Variants in PLAAT5 observed in about 807,000 individuals in gnomAD.
The protein encoded by PLAAT5 is phospholipase A and acyltransferase 5, also known as Ca(2+)-independent N-acyltransferase.
Under a neutral mutation model 27.8 loss-of-function variants are expected in PLAAT5, and 27 were observed. The ratio of observed to expected loss-of-function variants is 0.97; its 90% CI spans 0.72 to 1.34. The LOEUF (loss-of-function observed/expected upper bound fraction) is 1.34. Among genes scored for constraint, PLAAT5 ranks in the 40% most tolerant of loss-of-function variants. The probability of loss-of-function intolerance (pLI) is 0.00; values close to 1 mark genes in which losing one functional copy is unlikely to be tolerated. For synonymous variants in PLAAT5, 125 were observed against 136.1 expected (o/e 0.92, Z 0.57); for missense variants, 368 against 343.8 (o/e 1.07, Z -0.56).
At chr11:63,464,664 A>G (rs919258138) in intron 5 of PLAAT5, among the ~76,000 whole-genome samples, 1 of 151,850 alleles carries the variant, frequency 6.6e-6, no homozygotes, top group Admixed American at 6.6e-5. Context: ...TCAAAAAAAA[A>G]GGGGAGTAGT....
chr11:63,463,556 C>T lies in PLAAT5; in HGVS notation c.757G>A (p.Ala253Thr). Residue 253 changes from alanine (A) to threonine (T), a missense_variant, in exon 6 of 6, where the codon GCA (alanine) becomes ACA (threonine). Transcript: ENST00000540857. The stretch of plus-strand genomic sequence containing the variant: ...CTATCCACTACAGCTGAAATAACTG[C>T]TCCAGCAGCCTTCGCTCCTTCCATC... The part of the protein sequence containing the change: ...ALMEGAKAAG[A>T]VISAVVDSIK... 6.2e-7 allele frequency: 1 copy of T among 1,613,904 alleles called. No individual in the cohort carries two copies. Among genetic ancestry groups the T allele is most frequent in the South Asian group, 1.1e-5 (1 of 91,086 alleles).
At chr11:63,463,767 C>G (rs1396508091) in intron 5 of PLAAT5, among the ~76,000 whole-genome samples, 172 bp from the exon 6 acceptor site, 1 of 152,190 alleles carries the variant, frequency 6.6e-6, no homozygotes, top group Non-Finnish European at 1.5e-5. Context: ...TGACAAGAGA[C>G]CAAGAAAAGC....
intron 4 of PLAAT5, among the ~76,000 whole-genome samples, chr11:63,467,756 C>G (rs908696476): frequency 2.6e-5 from 4 of 152,164 alleles, no homozygotes; most frequent in Non-Finnish European, 4.4e-5. Context: ...TACTCTTCCT[C>G]TACTATCATC....
At chr11:63,488,839 A>G (rs762943798) in intron 3 of PLAAT5, 32 bp downstream of exon 3, 4 of 1,456,118 alleles carry the variant, frequency 2.7e-6, no homozygotes, top group South Asian at 1.1e-5. Flanking sequence ...GAGGTTAAAG[A>G]TAGTCACTTT....
chr11:63,481,754 T>C (rs2016290148), intron 3 of PLAAT5, among the ~76,000 whole-genome samples: 4 of 152,112 alleles, frequency 2.6e-5, no homozygotes, highest in African/African-American at 7.2e-5. Context: ...ATGTCCTTTG[T>C]AGGGACATGG....
intron 3 of PLAAT5, among the ~76,000 whole-genome samples, chr11:63,468,996 C>T (rs1255024974): frequency 1.3e-5 from 2 of 151,994 alleles, no homozygotes; most frequent in Non-Finnish European, 2.9e-5. Context: ...CCCCACGTGA[C>T]CCACCTGAAG....
chr11:63,489,977 C>T (rs1565218133), intron 2 of PLAAT5, among the ~76,000 whole-genome samples: 1 of 152,206 alleles, frequency 6.6e-6, no homozygotes, highest in Non-Finnish European at 1.5e-5. Flanking sequence ...ATACTGTAAG[C>T]CTCCTGCTAA....
chr11:63,480,648 A>G (rs1271355451), intron 3 of PLAAT5, among the ~76,000 whole-genome samples: 3 of 152,226 alleles, frequency 2.0e-5, no homozygotes, highest in African/African-American at 7.2e-5. Context: ...GGTCTGGAGT[A>G]TAGCCTGGGT....
chr11:63,490,875 C>CCCCAAGA lies in PLAAT5; in HGVS notation c.148+11_148+12insTCTTGGG. The CCCCAAGA allele has an allele frequency of 6.3e-7, 1 of 1,597,704 alleles. No homozygotes were observed. Among genetic ancestry groups the CCCCAAGA allele is most frequent in the Non-Finnish European group, 8.5e-7 (1 of 1,172,854 alleles). The stretch of plus-strand genomic sequence containing the variant: ...TTGCGGATTGTCCTTCAGCCGCATT[C>CCCCAAGA]TTGGGGCTGACCTGAGTGGGGCACA... On this transcript the variant is annotated intron_variant, in intron 1 of 5. Coordinates refer to ENST00000540857, the MANE Select transcript of PLAAT5 (RefSeq NM_001146729.2).
intron 3 of PLAAT5, among the ~76,000 whole-genome samples, chr11:63,482,870 C>A (rs990378804): frequency 2.0e-5 from 3 of 151,980 alleles, no homozygotes; most frequent in Non-Finnish European, 4.4e-5. Context: ...AAGAGACTCA[C>A]CTAATGCATA....
In PLAAT5 at chr11:63,462,019, A is replaced by G. The variant is rs2015731991; in HGVS notation, c.*1484T>C. Reference sequence around the variant, plus strand: ...GTCCTCTGTGCAGAAGTTACTAAACACTCCTTGGTGTGGAGGAGTTTTTTG... The same window carrying G: ...GTCCTCTGTGCAGAAGTTACTAAACGCTCCTTGGTGTGGAGGAGTTTTTTG... On this transcript the variant is annotated 3_prime_UTR_variant, in exon 6 of 6. Coordinates refer to ENST00000540857, the MANE Select transcript of PLAAT5 (RefSeq NM_001146729.2). 1.3e-5 allele frequency: 2 copies of G among 152,004 alleles called. No homozygotes were observed. The highest frequency in any genetic ancestry group is 4.8e-5 in the African/African-American group (2 of 41,396). The allele number at this position is 152,004 out of a possible 1,614,324, so 9.4% of individuals were successfully genotyped here. A position where few individuals can be genotyped will look rare whatever the true frequency, so the allele number is the denominator to read the frequency against.
chr11:63,490,651 C>T (rs72930159), intron 1 of PLAAT5: 17,316 of 608,914 alleles, frequency 0.028, 321 homozygotes, highest in Non-Finnish European at 0.041. Flanking sequence ...CACCACCCTC[C>T]GGAGCTGCCA....
intron 3 of PLAAT5, among the ~76,000 whole-genome samples, chr11:63,482,199 G>A (rs566810038): frequency 1.3e-5 from 2 of 152,168 alleles, no homozygotes; most frequent in Non-Finnish European, 2.9e-5. Context: ...ACATTTGAGG[G>A]AATAATTGAG....
In PLAAT5 at chr11:63,463,245, C is replaced by A; in HGVS notation, c.*258G>T. On this transcript the variant is annotated 3_prime_UTR_variant, in exon 6 of 6. Coordinates refer to ENST00000540857, the MANE Select transcript of PLAAT5 (RefSeq NM_001146729.2). ...CCTACAAAGAGAGTGAAATTAGATCCGTATATGAAATGCCTAGCACAGTGC... is the reference window on the plus strand; with the variant it reads ...CCTACAAAGAGAGTGAAATTAGATCAGTATATGAAATGCCTAGCACAGTGC... 2.3e-6 allele frequency: 1 copy of A among 438,212 alleles called. No homozygotes were observed. The highest frequency in any genetic ancestry group is 5.0e-5 in the South Asian group (1 of 20,010). 27.1% of individuals were successfully genotyped at this position (438,212 alleles called of 1,614,324 possible).
At chr11:63,478,320 ACTTT>A (rs1346715635) in intron 3 of PLAAT5, among the ~76,000 whole-genome samples, 2 of 149,548 alleles carry the variant, frequency 1.3e-5, no homozygotes, top group African/African-American at 4.9e-5. Flanking sequence ...GAACCAATAG[ACTTT>A]CTTTTTTTTT....
intron 5 of PLAAT5, among the ~76,000 whole-genome samples, chr11:63,464,045 C>A (rs1227049530): frequency 6.6e-6 from 1 of 152,226 alleles, no homozygotes; most frequent in East Asian, 1.9e-4. Flanking sequence ...GTAATGCCCT[C>A]AGTCCTTGGG....
chr11:63,477,565 T>C (rs1396150090), intron 3 of PLAAT5, among the ~76,000 whole-genome samples: 2 of 150,886 alleles, frequency 1.3e-5, no homozygotes, highest in East Asian at 1.9e-4. Flanking sequence ...AACCTCCGCC[T>C]TCCAGGTTCA....
chr11:63,484,069 C>T (rs2120327606), intron 3 of PLAAT5, among the ~76,000 whole-genome samples: 1 of 149,932 alleles, frequency 6.7e-6, no homozygotes, highest in East Asian at 2.0e-4. Context: ...ATGCAACCCT[C>T]CTAGATTAAA....
intron 2 of PLAAT5, 115 bp downstream of exon 2, chr11:63,490,128 G>A (rs1391769674): frequency 5.8e-6 from 8 of 1,385,006 alleles, no homozygotes; most frequent in Non-Finnish European, 8.1e-6. Flanking sequence ...GCTGGGTACC[G>A]GCTGGCTGGT....
Sources: gnomAD v4.1 joint callset for allele counts (sites outside exome capture counted in the v4.1 genomes callset) on GRCh38, gnomAD v4.1.1 for gene constraint, MANE v1.5 for transcripts, NCBI Gene and HGNC (gene_info 2026-07-23, HGNC 2026-07-21) for gene names.